GPRASP3: variants seen among roughly 807,000 people sequenced by gnomAD.
The protein encoded by GPRASP3 is G protein-coupled receptor associated sorting protein family member 3, also known as G protein-coupled receptor associated sorting protein 3.
the GPRASP3 span, among the ~76,000 whole-genome samples, chrX:102,732,231 A>C: frequency 8.9e-6 from 1 of 111,954 alleles, no homozygotes; most frequent in Non-Finnish European, 1.9e-5. Flanking sequence ...CTTTCCACTG[A>C]CAAAGGGACA....
chrX:102,752,923 C>G, the GPRASP3 span: 1 of 121,819 alleles, frequency 8.2e-6, no homozygotes, highest in South Asian at 3.9e-4. Flanking sequence ...GTGCATGCCA[C>G]CACATCCGAC....
At chrX:102,744,112 A>C in the GPRASP3 span, among the ~76,000 whole-genome samples, 1 of 111,634 alleles carries the variant, frequency 9.0e-6, no homozygotes, top group Non-Finnish European at 1.9e-5. Context: ...AATGTCTCCC[A>C]AAGTTAGCTT....
the GPRASP3 span, among the ~76,000 whole-genome samples, chrX:102,741,261 C>A: frequency 5.3e-5 from 6 of 112,383 alleles, no homozygotes; most frequent in African/African-American, 1.6e-4. Flanking sequence ...ACTTGAAGGA[C>A]AAGTGCACTG....
At chrX:102,749,096 T>C in the GPRASP3 span, 4 of 1,212,018 alleles carry the variant, frequency 3.3e-6, no homozygotes, top group Non-Finnish European at 4.5e-6. Context: ...ACTGGTGTTG[T>C]TAGGCCTGTA....
At chrX:102,724,472 A>G in the GPRASP3 span, among the ~76,000 whole-genome samples, 1 of 110,990 alleles carries the variant, frequency 9.0e-6, no homozygotes, top group African/African-American at 3.3e-5. Flanking sequence ...CTATGTATCT[A>G]TTTATCTATA....
At chrX:102,736,899 G>C in the GPRASP3 span, among the ~76,000 whole-genome samples, 1 of 112,202 alleles carries the variant, frequency 8.9e-6, no homozygotes, top group African/African-American at 3.2e-5. Flanking sequence ...AAACAGAACA[G>C]AGCCTTAGAT....
chrX:102,733,650 T>TAA, the GPRASP3 span, among the ~76,000 whole-genome samples: 18 of 102,144 alleles, frequency 1.8e-4, no homozygotes, highest in Admixed American at 5.4e-4. Flanking sequence ...AGCAAAATGT[T>TAA]AAAAAAAAAA....
chrX:102,723,222 A>T, the GPRASP3 span, among the ~76,000 whole-genome samples: 1 of 112,195 alleles, frequency 8.9e-6, no homozygotes. Context: ...ATACAAAGTC[A>T]GTGTAAGAAA....
the GPRASP3 span, chrX:102,750,959 T>G: frequency 5.9e-6 from 1 of 169,247 alleles, no homozygotes; most frequent in African/African-American, 3.0e-5. Flanking sequence ...TGTAATCTAG[T>G]TACAGAAGTA....
chrX:102,727,108 T>G, the GPRASP3 span, among the ~76,000 whole-genome samples: 4 of 112,848 alleles, frequency 3.5e-5, no homozygotes, highest in African/African-American at 1.3e-4. Context: ...CATTTTCATA[T>G]AACAAGGAAT....
At chrX:102,750,772 T>C in the GPRASP3 span, 1 of 464,982 alleles carries the variant, frequency 2.2e-6, no homozygotes. Flanking sequence ...CTAGACTATT[T>C]TGGGGGTATC....
the GPRASP3 span, among the ~76,000 whole-genome samples, chrX:102,735,149 A>G: frequency 8.9e-6 from 1 of 112,188 alleles, no homozygotes; most frequent in Admixed American, 9.5e-5. Context: ...CAAGAGAGAA[A>G]GCTAAATTTC....
chrX:102,750,157 A>G, the GPRASP3 span: 1 of 1,208,582 alleles, frequency 8.3e-7, no homozygotes, highest in East Asian at 3.0e-5. Flanking sequence ...GACTGTAATT[A>G]CTCTGAATCC....
At chrX:102,749,895 G>A in the GPRASP3 span, 1 of 1,208,014 alleles carries the variant, frequency 8.3e-7, no homozygotes, top group African/African-American at 1.7e-5. Context: ...GTCAAATCAG[G>A]ATCAGGGAGG....
At chrX:102,747,222 G>T in the GPRASP3 span, among the ~76,000 whole-genome samples, 8,729 of 111,811 alleles carry the variant, frequency 0.078, 322 homozygotes, top group East Asian at 0.21. Flanking sequence ...TATTTACTTA[G>T]TTTCTGATTC....
chrX:102,751,934 C>A, the GPRASP3 span: 3 of 107,848 alleles, frequency 2.8e-5, no homozygotes, highest in Non-Finnish European at 4.0e-5. Flanking sequence ...TTCCTCCTTG[C>A]GAAATCATAC....
the GPRASP3 span, among the ~76,000 whole-genome samples, chrX:102,724,718 GGTGTGTGTGTGTGTGT>G: frequency 2.0e-5 from 2 of 98,830 alleles, no homozygotes; most frequent in African/African-American, 7.4e-5. Context: ...CAGGGTGACT[GGTGTGTGTGTGTGTGT>G]GTGTGTGTGT....
At chrX:102,734,029 G>T in the GPRASP3 span, among the ~76,000 whole-genome samples, 1 of 111,054 alleles carries the variant, frequency 9.0e-6, no homozygotes, top group Non-Finnish European at 1.9e-5. Flanking sequence ...GCCAGGATGA[G>T]CCAGGAGAAG....
chrX:102,736,625 G>A, the GPRASP3 span, among the ~76,000 whole-genome samples: 5 of 111,056 alleles, frequency 4.5e-5, no homozygotes, highest in Admixed American at 9.6e-5. Flanking sequence ...ACAGTACAAT[G>A]ATTTTACCAT....
Sources: gnomAD v4.1 joint callset for allele counts (sites outside exome capture counted in the v4.1 genomes callset) on GRCh38, gnomAD v4.1.1 for gene constraint, MANE v1.5 for transcripts, NCBI Gene and HGNC (gene_info 2026-07-23, HGNC 2026-07-21) for gene names.